SGCZ: variants seen among roughly 807,000 people sequenced by gnomAD.
The protein encoded by SGCZ is sarcoglycan zeta, also known as zeta-sarcoglycan.
SGCZ carries 40 observed loss-of-function variants against 41.3 expected under a neutral mutation model. The ratio of observed to expected loss-of-function variants is 0.97; its 90% CI spans 0.75 to 1.26. SGCZ has a LOEUF of 1.26. Among genes scored for constraint, SGCZ ranks in the 50% most tolerant of loss-of-function variants. The probability of loss-of-function intolerance (pLI) is 0.00; values close to 1 mark genes in which losing one functional copy is unlikely to be tolerated. For synonymous variants in SGCZ, 206 were observed against 137.5 expected (o/e 1.50, Z -3.49); for missense variants, 552 against 369.8 (o/e 1.49, Z -4.04).
chr8:14,245,939 A>T (rs1181410345), intron 3 of SGCZ, among the ~76,000 whole-genome samples: 1 of 152,218 alleles, frequency 6.6e-6, no homozygotes, highest in East Asian at 1.9e-4. Context: ...TTAAAAAGTC[A>T]GGAAGCAACA....
intron 1 of SGCZ, among the ~76,000 whole-genome samples, chr8:14,963,024 T>A (rs1165799522): frequency 6.6e-6 from 1 of 152,160 alleles, no homozygotes; most frequent in Admixed American, 6.5e-5. Flanking sequence ...TTTGGAAAGT[T>A]TCTGGACTGA....
At chr8:14,793,087 C>A (rs150131946) in intron 1 of SGCZ, among the ~76,000 whole-genome samples, 82 of 152,334 alleles carry the variant, frequency 5.4e-4, no homozygotes, top group African/African-American at 1.8e-3. Context: ...TATTTGATTT[C>A]TTCCTATTTT....
intron 2 of SGCZ, among the ~76,000 whole-genome samples, chr8:14,494,798 T>C (rs1355465624): frequency 6.6e-6 from 1 of 152,162 alleles, no homozygotes; most frequent in Admixed American, 6.5e-5. Context: ...AGCTGGTTTT[T>C]GCAGTAGCCT....
intron 3 of SGCZ, among the ~76,000 whole-genome samples, chr8:14,248,108 A>T (rs1799168979): frequency 6.6e-6 from 1 of 152,176 alleles, no homozygotes. Context: ...GATCGAGGAA[A>T]TTATTAAATT....
intron 2 of SGCZ, among the ~76,000 whole-genome samples, chr8:14,537,242 A>C (rs2117140705): frequency 6.6e-6 from 1 of 152,038 alleles, no homozygotes; most frequent in South Asian, 2.1e-4. Flanking sequence ...TCTTGGGAGC[A>C]CACATGAACT....
chr8:14,706,837 C>G (rs764111787), intron 1 of SGCZ, among the ~76,000 whole-genome samples: 36 of 151,958 alleles, frequency 2.4e-4, no homozygotes, highest in Non-Finnish European at 4.1e-4. Context: ...TTATCAGAAC[C>G]AGCTGACGGT....
intron 1 of SGCZ, among the ~76,000 whole-genome samples, chr8:14,855,618 C>T (rs528435553): frequency 1.6e-4 from 24 of 152,248 alleles, no homozygotes; most frequent in Admixed American, 2.6e-4. Context: ...GAGGCCAACT[C>T]TAAAAAGTTA....
intron 2 of SGCZ, among the ~76,000 whole-genome samples, chr8:14,510,961 G>A (rs1333002392): frequency 6.6e-6 from 1 of 151,934 alleles, no homozygotes; most frequent in Non-Finnish European, 1.5e-5. Context: ...AACTTCAGCT[G>A]GTACCCAACT....
intron 1 of SGCZ, among the ~76,000 whole-genome samples, chr8:15,088,053 C>A (rs576565939): frequency 6.6e-6 from 1 of 152,136 alleles, no homozygotes; most frequent in South Asian, 2.1e-4. Context: ...GTAAGTGTGT[C>A]TCAAATCACC....
At chr8:14,434,050 T>G (rs900835266) in intron 2 of SGCZ, among the ~76,000 whole-genome samples, 1 of 152,226 alleles carries the variant, frequency 6.6e-6, no homozygotes, top group Non-Finnish European at 1.5e-5. Context: ...CCTAAGCCAA[T>G]GTGTAGAAGG....
intron 1 of SGCZ, among the ~76,000 whole-genome samples, chr8:15,059,331 A>G (rs1181904137): frequency 1.3e-5 from 2 of 152,162 alleles, no homozygotes; most frequent in Non-Finnish European, 2.9e-5. Flanking sequence ...CTTACCTCCT[A>G]AGGAGCACAT....
intron 1 of SGCZ, among the ~76,000 whole-genome samples, chr8:15,236,435 C>A (rs1399274244): frequency 6.8e-6 from 1 of 146,988 alleles, no homozygotes; most frequent in African/African-American, 2.7e-5. Flanking sequence ...GTTTCTCCAG[C>A]GGGTGGGGGG....
intron 1 of SGCZ, among the ~76,000 whole-genome samples, chr8:14,769,060 G>T (rs1325231902): frequency 6.6e-6 from 1 of 151,744 alleles, no homozygotes; most frequent in Non-Finnish European, 1.5e-5. Flanking sequence ...CCCGTCATCT[G>T]GTAGGTAGAA....
At chr8:14,867,844 T>A (rs1430992135) in intron 1 of SGCZ, among the ~76,000 whole-genome samples, 2 of 151,088 alleles carry the variant, frequency 1.3e-5, no homozygotes, top group African/African-American at 4.9e-5. Context: ...GATGAAATAA[T>A]CTGTACAACA....
intron 1 of SGCZ, among the ~76,000 whole-genome samples, chr8:15,154,826 T>C (rs1435089678): frequency 6.6e-6 from 1 of 152,230 alleles, no homozygotes; most frequent in Non-Finnish European, 1.5e-5. Context: ...TAAAAAGTTA[T>C]AGTCCTTTTG....
chr8:14,468,348 G>A (rs902224597), intron 2 of SGCZ, among the ~76,000 whole-genome samples: 7 of 151,948 alleles, frequency 4.6e-5, no homozygotes, highest in Non-Finnish European at 8.8e-5. Flanking sequence ...CAAGCATAAA[G>A]AAGTAAACTT....
chr8:14,723,163 TG>T (rs1278624915), intron 1 of SGCZ, among the ~76,000 whole-genome samples: 1 of 152,098 alleles, frequency 6.6e-6, no homozygotes, highest in Non-Finnish European at 1.5e-5. Flanking sequence ...GCCACTCCCA[TG>T]GAAAGAAACA....
intron 2 of SGCZ, among the ~76,000 whole-genome samples, chr8:14,499,029 A>G (rs1563369104): frequency 2.0e-5 from 3 of 151,960 alleles, no homozygotes; most frequent in African/African-American, 4.8e-5. Context: ...TCCACCTACT[A>G]TGGTTCCCAC....
intron 2 of SGCZ, among the ~76,000 whole-genome samples, chr8:14,354,145 T>C (rs1377338913): frequency 6.6e-6 from 1 of 152,088 alleles, no homozygotes; most frequent in Admixed American, 6.6e-5. Flanking sequence ...TCTGTATATA[T>C]TGTAATTGCC....
Sources: gnomAD v4.1 joint callset for allele counts (sites outside exome capture counted in the v4.1 genomes callset) on GRCh38, gnomAD v4.1.1 for gene constraint, MANE v1.5 for transcripts, NCBI Gene and HGNC (gene_info 2026-07-23, HGNC 2026-07-21) for gene names.